GPM6A: variants seen among roughly 807,000 people sequenced by gnomAD.
GPM6A encodes the protein neuronal membrane glycoprotein M6-a.
A neutral mutation model predicts 32.1 loss-of-function variants in GPM6A; 7 were observed. The observed-to-expected ratio is 0.22, with a 90% confidence interval of 0.12 to 0.41. The LOEUF is 0.41. Among genes scored for constraint, GPM6A ranks in the 10% least tolerant of loss-of-function variants. The pLI is 1.00. For synonymous variants in GPM6A, 130 were observed against 123.4 expected (o/e 1.05, Z -0.35); for missense variants, 235 against 347.2 (o/e 0.68, Z 2.57).
intron 2 of GPM6A, among the ~76,000 whole-genome samples, chr4:175,700,773 A>G (rs772351979): frequency 6.6e-6 from 1 of 152,200 alleles, no homozygotes; most frequent in African/African-American, 2.4e-5. Flanking sequence ...GGGATTACAA[A>G]CAAACTAATA....
chr4:175,812,338 T>TTTTTTTTTTTTGTG, upstream of GPM6A: 1 of 1,328,594 alleles, frequency 7.5e-7, no homozygotes, highest in Non-Finnish European at 9.8e-7. Context: ...TTTTTTTTTT[T>TTTTTTTTTTTTGTG]TTCCTGGGAA....
intron 1 of GPM6A, among the ~76,000 whole-genome samples, chr4:175,801,809 T>C (rs1171902790): frequency 6.6e-6 from 1 of 152,090 alleles, no homozygotes; most frequent in Non-Finnish European, 1.5e-5. Flanking sequence ...GGCCAAATAT[T>C]GCAATGATTA....
chr4:175,858,933 C>T lies in GPM6A; in HGVS notation c.-22-46684G>A, dbSNP rs369951745. Among the ~76,000 whole-genome samples the T allele has an allele frequency of 4.6e-5, 7 of 152,208 alleles. No homozygotes were observed. In the East Asian group the frequency reaches 1.2e-3, roughly 25 times the overall value. ...CTTGAAACACACTACAATATGATGA[C>T]TCTTAAAATAATTATGCTGCAAGAA... On this transcript the variant is annotated intron_variant, in intron 1 of 7. Coordinates refer to the GPM6A transcript ENST00000280187.
At chr4:175,689,728 A>G (rs73020163) in intron 2 of GPM6A, among the ~76,000 whole-genome samples, 7,597 of 152,240 alleles carry the variant, frequency 0.05, 220 homozygotes, top group Non-Finnish European at 0.063. Context: ...TGATTGTGTC[A>G]CTGTTAATTT....
rs1206857105 is a variant in GPM6A at position 175,858,552 on chromosome 4, C to T, written c.-22-46303G>A. On this transcript the variant is annotated intron_variant, in intron 1 of 7. Coordinates refer to the GPM6A transcript ENST00000280187. ...GTTTCAAAAAAAAAAAAAAGAAAAG[C>T]TAAAGAAAGGTGAACATAACCAAGT... is the stretch of plus-strand genomic sequence containing the variant. Among the ~76,000 whole-genome samples the T allele has an allele frequency of 4.7e-5, 7 of 150,518 alleles. No homozygotes were observed. The East Asian group carries it at 9.7e-4, about 21-fold the overall frequency.
chr4:176,000,441 T>C (rs1037224543), intron 1 of GPM6A, among the ~76,000 whole-genome samples: 3 of 152,202 alleles, frequency 2.0e-5, no homozygotes, highest in Non-Finnish European at 1.5e-5. Flanking sequence ...TCCATGGGCA[T>C]TGAAGCAAAA....
intron 1 of GPM6A, among the ~76,000 whole-genome samples, chr4:175,720,525 C>T (rs998990799): frequency 3.9e-5 from 6 of 152,164 alleles, no homozygotes; most frequent in African/African-American, 9.7e-5. Context: ...CACTCCTGTA[C>T]TGTGGGCCAC....
Position 175,947,369 on chromosome 4 carries a change from T to C in GPM6A, c.-23+54940A>G, listed in dbSNP as rs536508311. On this transcript the variant is annotated intron_variant, in intron 1 of 7. Transcript: ENST00000280187. Reference sequence around the variant, plus strand: ...TCATTTAAAGACACTATCTTAATAATATTTCTTAAGTACAATATTAAGTAT... The same window carrying C: ...TCATTTAAAGACACTATCTTAATAACATTTCTTAAGTACAATATTAAGTAT... Among the ~76,000 whole-genome samples, 18 of 152,176 alleles carry C rather than the reference T, an allele frequency of 1.2e-4. 1 individual carries two copies. In the South Asian group the frequency reaches 3.5e-3, roughly 30 times the overall value.
At chr4:175,685,503 G>A (rs1743929515) in intron 2 of GPM6A, among the ~76,000 whole-genome samples, 1 of 152,062 alleles carries the variant, frequency 6.6e-6, no homozygotes. Context: ...CTATACAAAT[G>A]TTCCTGATTT....
At chr4:175,812,033 A>G (rs1734939746) in intron 1 of GPM6A, 158 bp downstream of exon 1, 3 of 575,478 alleles carry the variant, frequency 5.2e-6, no homozygotes, top group Non-Finnish European at 9.2e-6. Context: ...CATTCGTGCC[A>G]GACATTACTG....
chr4:175,997,926 T>A (rs1281672512), intron 1 of GPM6A, among the ~76,000 whole-genome samples: 1 of 149,786 alleles, frequency 6.7e-6, no homozygotes, highest in Non-Finnish European at 1.5e-5. Context: ...GTTGGCATCC[T>A]TCTTCAATCA....
At chr4:175,742,825 G>C (rs1303095201) in intron 1 of GPM6A, among the ~76,000 whole-genome samples, 1 of 151,994 alleles carries the variant, frequency 6.6e-6, no homozygotes, top group East Asian at 1.9e-4. Flanking sequence ...TACGAACGAT[G>C]AAAGTCAAAG....
intron 2 of GPM6A, among the ~76,000 whole-genome samples, chr4:175,680,719 A>T (rs1743636417): frequency 6.6e-6 from 1 of 152,308 alleles, no homozygotes; most frequent in Admixed American, 6.5e-5. Context: ...TGTTCCTTGT[A>T]GGTAACCCAT....
At chr4:175,686,922 GC>G (rs1744012663) in intron 2 of GPM6A, among the ~76,000 whole-genome samples, 1 of 152,208 alleles carries the variant, frequency 6.6e-6, no homozygotes, top group South Asian at 2.1e-4. Context: ...TTTCTTTAGA[GC>G]TGGAAAATGG....
intron 3 of GPM6A, among the ~76,000 whole-genome samples, chr4:175,666,464 T>C (rs1405681555): frequency 6.6e-6 from 1 of 152,162 alleles, no homozygotes. Flanking sequence ...TCAAAAAAAA[T>C]GTAGCTCTTG....
intron 1 of GPM6A, among the ~76,000 whole-genome samples, chr4:175,721,132 A>G (rs1435727976): frequency 8.1e-6 from 1 of 124,160 alleles, no homozygotes; most frequent in Admixed American, 8.8e-5. Context: ...TTTTAAAAAG[A>G]ATATATATAT....
intron 1 of GPM6A, among the ~76,000 whole-genome samples, chr4:175,722,619 C>T (rs796347575): frequency 2.4e-4 from 36 of 152,190 alleles, no homozygotes; most frequent in African/African-American, 7.7e-4. Context: ...GACCTTTTTC[C>T]GGTGTGGGGT....
rs538432017 is a variant in GPM6A, at chr4:175,884,110, C to T, written c.-22-71861G>A. On this transcript the variant is annotated intron_variant, in intron 1 of 7. Transcript: ENST00000280187. The stretch of plus-strand genomic sequence containing the variant: ...GAGCAGCGTGACTTTGCTGATAAAA[C>T]ATACGTCACAGGGCTATTTTTGTCC... Among the ~76,000 whole-genome samples the T allele has an allele frequency of 2.6e-5, 4 of 152,106 alleles. No individual in the cohort carries two copies. The South Asian group carries it at 8.3e-4, about 32-fold the overall frequency.
rs1162906303 is a variant in GPM6A, at chr4:175,718,091, C to G, written c.38-16324G>C. 1.3e-5 allele frequency among the ~76,000 whole-genome samples: 2 copies of G among 152,140 alleles called. 1 individual carries two copies. The highest frequency in any genetic ancestry group is 4.2e-4 in the South Asian group (2 of 4,810). ...ACAAAAATAACAGCTGCAAAAATGG[C>G]AATAGCTTATGTTACGCCAGATATT... is the stretch of plus-strand genomic sequence containing the variant. On this transcript the variant is annotated intron_variant, in intron 1 of 6. Transcript: ENST00000393658.
Sources: gnomAD v4.1 joint callset for allele counts (sites outside exome capture counted in the v4.1 genomes callset) on GRCh38, gnomAD v4.1.1 for gene constraint, MANE v1.5 for transcripts, NCBI Gene and HGNC (gene_info 2026-07-23, HGNC 2026-07-21) for gene names.